The following PLXNA2 variants were observed in gnomAD, a reference collection of about 807,000 sequenced individuals.
The protein encoded by PLXNA2 is plexin A2.
A neutral mutation model predicts 193.5 loss-of-function variants in PLXNA2; 91 were observed. The observed-to-expected ratio is 0.47, with a 90% confidence interval of 0.40 to 0.56. The LOEUF is 0.56. Among genes scored for constraint, PLXNA2 ranks in the 20% least tolerant of loss-of-function variants. The pLI, the probability that PLXNA2 is intolerant of heterozygous loss-of-function variation, is 0.00. For missense variants in PLXNA2, 1,995 were observed against 2,503.2 expected, an observed-to-expected ratio of 0.80 and a Z score of 4.33; for synonymous variants, 997 against 1,027.3, an observed-to-expected ratio of 0.97 and a Z score of 0.56.
At chr1:208,103,989 C>A (rs536271166) in intron 4 of PLXNA2, among the ~76,000 whole-genome samples, 1 of 152,166 alleles carries the variant, frequency 6.6e-6, no homozygotes, top group Non-Finnish European at 1.5e-5. Context: ...GGATATTACT[C>A]ACCCCTACTT....
intron 9 of PLXNA2, among the ~76,000 whole-genome samples, chr1:208,091,164 C>T (rs1435014454): frequency 6.6e-6 from 1 of 152,188 alleles, no homozygotes; most frequent in East Asian, 1.9e-4. Flanking sequence ...CTGAGGCACC[C>T]GTAGATGGGT....
Position 208,142,392 on chromosome 1 carries a change from G to A in PLXNA2, c.1443C>T (p.Pro481=), listed in dbSNP as rs1668482222. Residue 481 remains proline, a synonymous_variant, in exon 4 of 32, where the codon CCC becomes CCT. Coordinates refer to ENST00000367033, the MANE Select transcript of PLXNA2 (RefSeq NM_025179.4). ...TGGAGAAGGCCATGTCCCGGAGGAT[G>A]GGGCTTCCGTCCTTGAGCACAGAGA... ...EMVSVLKDGS[P]ILRDMAFSID... The A allele has an allele frequency of 5.6e-6, 9 of 1,613,988 alleles. No homozygotes were observed. Among genetic ancestry groups the A allele is most frequent in the Non-Finnish European group, 7.6e-6 (9 of 1,179,930 alleles).
chr1:208,117,969 C>T (rs1435466507), intron 4 of PLXNA2, among the ~76,000 whole-genome samples: 2 of 152,108 alleles, frequency 1.3e-5, no homozygotes, highest in African/African-American at 4.8e-5. Flanking sequence ...TACAAGTGTG[C>T]AGAGAAGCTA....
intron 3 of PLXNA2, among the ~76,000 whole-genome samples, chr1:208,161,698 AT>A (rs1669110410): frequency 6.6e-6 from 1 of 151,956 alleles, no homozygotes; most frequent in Non-Finnish European, 1.5e-5. Flanking sequence ...CTCCTCCTTA[AT>A]TTCAGGGTGC....
intron 3 of PLXNA2, among the ~76,000 whole-genome samples, chr1:208,200,521 A>G (rs1670511326): frequency 6.6e-6 from 1 of 150,956 alleles, no homozygotes; most frequent in Non-Finnish European, 1.5e-5. Context: ...TAAGTCCATA[A>G]TCTCTGAATT....
chr1:208,139,105 T>C (rs1227728530), intron 4 of PLXNA2, among the ~76,000 whole-genome samples: 1 of 152,202 alleles, frequency 6.6e-6, no homozygotes, highest in Non-Finnish European at 1.5e-5. Context: ...TTTGGTTTAG[T>C]CTCAGGCCCA....
At chr1:208,139,166 A>T (rs1323159386) in intron 4 of PLXNA2, among the ~76,000 whole-genome samples, 5 of 152,232 alleles carry the variant, frequency 3.3e-5, no homozygotes, top group African/African-American at 7.2e-5. Context: ...GCAGAGTCCC[A>T]ATCCTAGGAC....
chr1:208,063,258 T>G (rs1665674702), intron 12 of PLXNA2, among the ~76,000 whole-genome samples: 1 of 152,246 alleles, frequency 6.6e-6, no homozygotes. Context: ...GGGACCGCAT[T>G]GTGGATCCTC....
chr1:208,189,522 A>G (rs1670110330), intron 3 of PLXNA2, among the ~76,000 whole-genome samples: 1 of 151,402 alleles, frequency 6.6e-6, no homozygotes, highest in African/African-American at 2.4e-5. Context: ...AAAAAAAAAA[A>G]GCGAACCTGG....
At chr1:208,079,482 C>G in intron 11 of PLXNA2, 32 bp from the exon 12 acceptor site, 1 of 1,509,676 alleles carries the variant, frequency 6.6e-7, no homozygotes, top group Non-Finnish European at 9.0e-7. Context: ...ACAGATGAAA[C>G]CAGAAAGGGC....
intron 14 of PLXNA2, 25 bp downstream of exon 14, chr1:208,054,396 A>C: frequency 1.3e-6 from 2 of 1,520,070 alleles, no homozygotes; most frequent in Non-Finnish European, 9.1e-7. Context: ...GGGCACCTGC[A>C]CCTGGCCCTG....
intron 3 of PLXNA2, among the ~76,000 whole-genome samples, chr1:208,194,128 A>G (rs987601693): frequency 6.6e-6 from 1 of 151,792 alleles, no homozygotes; most frequent in African/African-American, 2.4e-5. Context: ...AAGGAAAGAG[A>G]CTGTGAGAAC....
chr1:208,210,345 C>T lies in PLXNA2; in HGVS notation c.1306G>A (p.Ala436Thr). The change falls in exon 3 of 32, where the codon GCC (alanine) becomes ACC (threonine). Residue 436 changes from alanine to threonine, a missense_variant. Physicochemically the swap from Ala to Thr is moderately conservative, Grantham distance 58. Coordinates refer to ENST00000367033, the MANE Select transcript of PLXNA2 (RefSeq NM_025179.4). Reference protein sequence around the residue: ...TTSRDRMTSVASYVYNGYSVV... With the variant: ...TTSRDRMTSVTSYVYNGYSVV... ...CTGTAGCCGTTGTAAACGTAGGAGG[C>T]CACAGAGGTCATGCGGTCCCTGCTG... 6.2e-7 allele frequency: 1 copy of T among 1,614,038 alleles called. No homozygotes were observed. Among genetic ancestry groups the T allele is most frequent in the Non-Finnish European group, 8.5e-7 (1 of 1,180,010 alleles).
At chr1:208,131,146 T>G (rs1015440043) in intron 4 of PLXNA2, among the ~76,000 whole-genome samples, 8 of 152,144 alleles carry the variant, frequency 5.3e-5, no homozygotes, top group African/African-American at 1.4e-4. Context: ...AGAGGGACCT[T>G]GCCAAGTCCC....
chr1:208,117,492 C>T (rs1667673669), intron 4 of PLXNA2, among the ~76,000 whole-genome samples: 1 of 152,182 alleles, frequency 6.6e-6, no homozygotes, highest in African/African-American at 2.4e-5. Flanking sequence ...CAAAAGACCC[C>T]CTGGAGGTGG....
intron 3 of PLXNA2, among the ~76,000 whole-genome samples, chr1:208,162,445 G>T (rs1330081018): frequency 6.6e-6 from 1 of 152,190 alleles, no homozygotes; most frequent in Admixed American, 6.5e-5. Context: ...GGCCTCAGTT[G>T]ACTGATATAT....
chr1:208,039,048 C>A, intron 24 of PLXNA2, 64 bp from the exon 25 acceptor site: 2 of 1,480,746 alleles, frequency 1.4e-6, no homozygotes, highest in South Asian at 2.5e-5. Context: ...GGGAGAGGGT[C>A]AGGACCTCAG....
chr1:208,210,080 T>C, intron 3 of PLXNA2, 200 bp downstream of exon 3: 1 of 507,504 alleles, frequency 2.0e-6, no homozygotes. Context: ...ATTCCTTACA[T>C]ACCCAATGAC....
At chr1:208,075,656 T>C (rs1666122382) in intron 12 of PLXNA2, among the ~76,000 whole-genome samples, 1 of 152,246 alleles carries the variant, frequency 6.6e-6, no homozygotes, top group Non-Finnish European at 1.5e-5. Flanking sequence ...GAAACAATTA[T>C]TACTTGTGTA....
Sources: allele counts gnomAD v4.1 joint callset (sites outside exome capture counted in the v4.1 genomes callset), GRCh38; gene constraint gnomAD v4.1.1; transcripts MANE v1.5; gene names NCBI Gene and HGNC (gene_info 2026-07-23, HGNC 2026-07-21).